The following SYNE1 variants were observed in gnomAD, a reference collection of about 807,000 sequenced individuals.
SYNE1 encodes the protein spectrin repeat containing nuclear envelope protein 1.
Under a neutral mutation model 1,111.0 loss-of-function variants are expected in SYNE1, and 616 were observed. That is an observed-to-expected ratio of 0.55 (90% CI 0.52 to 0.59). The LOEUF is 0.59. SYNE1 is among the 20% of genes least tolerant of loss of function. The pLI is 0.00. For synonymous variants in SYNE1, 3,855 were observed against 3,825.8 expected, an observed-to-expected ratio of 1.01 and a Z score of -0.28; for missense variants, 10,006 against 10,417.0, an observed-to-expected ratio of 0.96 and a Z score of 1.72.
chr6:152,469,190 G>A (rs1433775761), intron 16 of SYNE1, among the ~76,000 whole-genome samples: 2 of 152,226 alleles, frequency 1.3e-5, no homozygotes, highest in East Asian at 3.9e-4. Context: ...CTTTGAAATA[G>A]CCTGTTCTAT....
rs73626656 is a variant in SYNE1 at position 152,367,236 on chromosome 6, G to A, written c.9954C>T (p.Ser3318=). The part of the protein sequence containing the change: ...HPTSDKSVLD[S]RTLKLEALLS... ...TGCACACCTCGAGCTTGAGCGTCCT[G>A]CTGTCCAGCACACTTTTGTCGGATG... Residue 3318 remains serine (S), a synonymous_variant, in exon 62 of 146, where the codon AGC becomes AGT. Transcript: ENST00000367255. 10,502 of 1,614,172 alleles carry A rather than the reference G, an allele frequency of 6.5e-3. 587 individuals carry two copies. In the African/African-American group the frequency reaches 0.12, roughly 19 times the overall value.
intron 51 of SYNE1, 62 bp from the exon 52 acceptor site, chr6:152,391,630 G>C: frequency 1.3e-6 from 2 of 1,499,304 alleles, no homozygotes; most frequent in Non-Finnish European, 1.8e-6. Context: ...GGAGTGCAGG[G>C]GAGTGACAAA....
At chr6:152,425,889 T>C (rs2098343944) in intron 38 of SYNE1, among the ~76,000 whole-genome samples, 1 of 152,198 alleles carries the variant, frequency 6.6e-6, no homozygotes, top group African/African-American at 2.4e-5. Flanking sequence ...TAGAATTTCT[T>C]TCACGATGAA....
chr6:152,302,049 T>C lies in SYNE1; in HGVS notation c.17361A>G (p.Lys5787=). The change falls in exon 92 of 146, where the codon AAA becomes AAG. Residue 5787 remains lysine (K), a synonymous_variant. Transcript: ENST00000367255. ...QISRHEELAQ[K]IKGYQEQIAS... is the part of the protein sequence containing the mutation. The stretch of plus-strand genomic sequence containing the variant: ...CGATCTGCTCCTGGTAGCCCTTAAT[T>C]TTCTGCGCCAGCTCCTGAGGAAACA... The C allele has an allele frequency of 6.2e-7, 1 of 1,614,232 alleles. No homozygotes were observed. Among genetic ancestry groups the C allele is most frequent in the Non-Finnish European group, 8.5e-7 (1 of 1,180,044 alleles).
chr6:152,455,856 C>T (rs1423356341), intron 23 of SYNE1, 30 bp downstream of exon 23: 4 of 1,613,686 alleles, frequency 2.5e-6, no homozygotes, highest in African/African-American at 1.3e-5. Context: ...TTCCCTGGCT[C>T]ACAGCTCTAA....
At chr6:152,376,969 C>G (rs1165305432) in intron 56 of SYNE1, 57 bp from the exon 57 acceptor site, 1 of 1,593,336 alleles carries the variant, frequency 6.3e-7, no homozygotes. Flanking sequence ...ATCTCCATAT[C>G]TTCACACTAT....
At chr6:152,504,103 T>C (rs1451082273) in intron 9 of SYNE1, among the ~76,000 whole-genome samples, 1 of 152,188 alleles carries the variant, frequency 6.6e-6, no homozygotes, top group Admixed American at 6.5e-5. Flanking sequence ...GAATCATGCA[T>C]ATTCTCCTTT....
intron 129 of SYNE1, chr6:152,179,472 A>C (rs1010405204): frequency 6.9e-6 from 1 of 144,118 alleles, no homozygotes; most frequent in African/African-American, 2.8e-5. Context: ...ACCTTTTTAA[A>C]ACAAAAAAAA....
chr6:152,230,586 T>A lies in SYNE1; in HGVS notation c.21156A>T (p.Gly7052=). ...GTGCATTTTGAACAGAAGCCTGATC[T>A]CCAATTCGATGCTGTTGTTTTAGTC... ...EKRLKQQHRI[G]DQASVQNALK... is the part of the protein sequence containing the mutation. Residue 7052 remains glycine, a synonymous_variant, in exon 115 of 146, where the codon GGA becomes GGT. Coordinates refer to ENST00000367255, the MANE Select transcript of SYNE1 (RefSeq NM_182961.4). 2 of 1,614,142 alleles carry A rather than the reference T, an allele frequency of 1.2e-6. No homozygotes were observed. The highest frequency in any genetic ancestry group is 3.3e-4 in the Middle Eastern group (2 of 6,062).
intron 2 of SYNE1, among the ~76,000 whole-genome samples, chr6:152,636,371 G>A (rs1377276925): frequency 6.6e-6 from 1 of 152,114 alleles, no homozygotes; most frequent in Non-Finnish European, 1.5e-5. Context: ...GCCACAAGCG[G>A]AAATGACAAC....
intron 11 of SYNE1, among the ~76,000 whole-genome samples, chr6:152,489,714 T>C (rs1028654092): frequency 1.3e-5 from 2 of 152,190 alleles, no homozygotes; most frequent in African/African-American, 4.8e-5. Flanking sequence ...AGAACTCGGC[T>C]CAGGCACAAC....
chr6:152,633,968 T>C (rs1399679890), intron 2 of SYNE1, among the ~76,000 whole-genome samples: 2 of 152,148 alleles, frequency 1.3e-5, no homozygotes, highest in Non-Finnish European at 2.9e-5. Context: ...ATGCTCCCAG[T>C]TGAAAGGCAT....
chr6:152,194,005 T>A (rs1257718269), intron 127 of SYNE1, among the ~76,000 whole-genome samples: 2 of 107,032 alleles, frequency 1.9e-5, no homozygotes, highest in Non-Finnish European at 3.9e-5. Context: ...AGAGCAAGAC[T>A]GTCTCGAAAA....
intron 14 of SYNE1, chr6:152,481,168 T>G (rs1488763085): frequency 4.7e-6 from 1 of 213,878 alleles, no homozygotes; most frequent in African/African-American, 2.3e-5. Context: ...TGTCTGGCAT[T>G]TTCTCTGTGG....
chr6:152,538,523 G>A (rs2099254521), intron 4 of SYNE1, among the ~76,000 whole-genome samples: 1 of 151,018 alleles, frequency 6.6e-6, no homozygotes, highest in Non-Finnish European at 1.5e-5. Flanking sequence ...TGTGATATAA[G>A]ATTACTTTTA....
intron 3 of SYNE1, 116 bp downstream of exon 3, chr6:152,628,149 C>A (rs1359518755): frequency 4.7e-6 from 5 of 1,071,604 alleles, no homozygotes; most frequent in Non-Finnish European, 2.9e-6. Flanking sequence ...TAAAGACATC[C>A]ATCCCATTCT....
intron 127 of SYNE1, among the ~76,000 whole-genome samples, chr6:152,198,993 A>AAC (rs2074798844): frequency 6.6e-6 from 1 of 150,498 alleles, no homozygotes; most frequent in African/African-American, 2.4e-5. Flanking sequence ...GTAAAAAAAA[A>AAC]AAAAAAAACC....
At chr6:152,214,554 C>T (rs908203883) in intron 122 of SYNE1, among the ~76,000 whole-genome samples, 1 of 152,164 alleles carries the variant, frequency 6.6e-6, no homozygotes, top group East Asian at 1.9e-4. Context: ...AGCCTTTACA[C>T]GGTGATTAGG....
At chr6:152,459,270 C>A (rs2098716847) in intron 21 of SYNE1, among the ~76,000 whole-genome samples, 1 of 152,166 alleles carries the variant, frequency 6.6e-6, no homozygotes, top group Admixed American at 6.5e-5. Flanking sequence ...CTCATTTTCA[C>A]TTTGGCCTTG....
Sources: allele counts gnomAD v4.1 joint callset (sites outside exome capture counted in the v4.1 genomes callset), GRCh38; gene constraint gnomAD v4.1.1; transcripts MANE v1.5; gene names NCBI Gene and HGNC (gene_info 2026-07-23, HGNC 2026-07-21).